The following DPP6 variants were observed in gnomAD, a reference collection of about 807,000 sequenced individuals.
The protein encoded by DPP6 is dipeptidyl peptidase like 6.
Under a neutral mutation model 122.6 loss-of-function variants are expected in DPP6, and 69 were observed. The observed-to-expected ratio is 0.56, with a 90% CI of 0.46 to 0.69. The LOEUF (loss-of-function observed/expected upper bound fraction) is 0.69. Ranked by LOEUF, DPP6 falls within the 30% of genes least tolerant of loss-of-function variation. The probability of loss-of-function intolerance (pLI) is 0.00; values close to 1 mark genes in which losing one functional copy is unlikely to be tolerated. For missense variants in DPP6, 928 were observed against 1,116.9 expected, an observed-to-expected ratio of 0.83 and a Z score of 2.41; for synonymous variants, 418 against 433.1, an observed-to-expected ratio of 0.97 and a Z score of 0.43.
intron 3 of DPP6, among the ~76,000 whole-genome samples, chr7:154,538,787 A>G (rs774036335): frequency 6.6e-6 from 1 of 152,216 alleles, no homozygotes; most frequent in African/African-American, 2.4e-5. Context: ...AGTTCTTTTA[A>G]TGTGAGATAG....
intron 1 of DPP6, among the ~76,000 whole-genome samples, chr7:154,247,579 A>G (rs894362284): frequency 6.6e-6 from 1 of 151,348 alleles, no homozygotes; most frequent in East Asian, 1.9e-4. Context: ...GAATGGTTAT[A>G]ATCAAAAAGG....
intron 2 of DPP6, among the ~76,000 whole-genome samples, chr7:154,473,633 T>G (rs1331494055): frequency 6.6e-6 from 1 of 152,242 alleles, no homozygotes; most frequent in Non-Finnish European, 1.5e-5. Flanking sequence ...TTAGAGATTA[T>G]TTATTCCTAT....
rs377217598 is a variant in DPP6, at chr7:153,923,575, T to C, written c.51+35841T>C. Reference sequence around the variant, plus strand: ...AGGAGATCGAGACCATCCTGGCTAATATGGTGAAACCTCGTCTCTACTAAA... The same window carrying C: ...AGGAGATCGAGACCATCCTGGCTAACATGGTGAAACCTCGTCTCTACTAAA... On this transcript the variant is annotated intron_variant, in intron 1 of 25. Coordinates refer to the DPP6 transcript ENST00000404039. 9.5e-3 allele frequency among the ~76,000 whole-genome samples: 1,445 copies of C among 151,818 alleles called. 11 individuals are homozygous for C. Among genetic ancestry groups the C allele is most frequent in the African/African-American group, 0.021 (863 of 41,414 alleles).
intron 7 of DPP6, among the ~76,000 whole-genome samples, chr7:154,671,639 A>ATGTGTG (rs3837063): frequency 1.3e-5 from 2 of 151,554 alleles, no homozygotes; most frequent in East Asian, 3.9e-4. Context: ...GTGCATGCAT[A>ATGTGTG]TGTGTGTGTG....
At chr7:154,700,633 T>C (rs1840464922) in intron 7 of DPP6, among the ~76,000 whole-genome samples, 1 of 152,232 alleles carries the variant, frequency 6.6e-6, no homozygotes, top group Admixed American at 6.5e-5. Context: ...AAATTCTCAA[T>C]GAGATCGTTT....
At chr7:154,213,161 A>G (rs1227546285) in intron 1 of DPP6, among the ~76,000 whole-genome samples, 3 of 152,168 alleles carry the variant, frequency 2.0e-5, no homozygotes, top group Non-Finnish European at 1.5e-5. Context: ...ACCTGGGAGC[A>G]TGATTCCAAA....
chr7:154,218,947 A>T (rs1325115799), intron 1 of DPP6, among the ~76,000 whole-genome samples: 2 of 152,212 alleles, frequency 1.3e-5, no homozygotes, highest in African/African-American at 4.8e-5. Flanking sequence ...TGAGATCAGA[A>T]ATTTGCATTT....
At chr7:153,919,636 A>G (rs1333271209) in intron 1 of DPP6, among the ~76,000 whole-genome samples, 1 of 152,222 alleles carries the variant, frequency 6.6e-6, no homozygotes, top group East Asian at 1.9e-4. Flanking sequence ...TGAACTGCAG[A>G]GGCCAGGAGT....
the DPP6 span, among the ~76,000 whole-genome samples, chr7:153,825,205 C>T: frequency 2.0e-5 from 3 of 152,130 alleles, no homozygotes; most frequent in Admixed American, 6.6e-5. Context: ...TTCCTGTGCT[C>T]GTCTGTGTCT....
rs767085434 is a variant in DPP6 at position 154,540,633 on chromosome 7, ACT to A, written c.552+12_552+13del. Reference sequence around the variant, plus strand: ...AATAGAAGGCAAAAAAATTGTAAGTACTCTCTTTAATGACCGGGATAATTTCA... The same window carrying A: ...AATAGAAGGCAAAAAAATTGTAAGTACTCTTTAATGACCGGGATAATTTCA... On this transcript the variant is annotated splice_region_variant and intron_variant, in intron 4 of 25. Transcript: ENST00000377770. 3.4e-6 allele frequency: 5 copies of A among 1,490,524 alleles called. No individual in the cohort carries two copies. The highest frequency in any genetic ancestry group is 4.6e-6 in the Non-Finnish European group (5 of 1,093,926). The allele number at this position is 1,490,524 out of a possible 1,614,324, so 92.3% of individuals were successfully genotyped here.
chr7:154,256,800 G>A (rs6946126), intron 1 of DPP6, among the ~76,000 whole-genome samples: 61,124 of 151,866 alleles, frequency 0.4, 14,464 homozygotes, highest in African/African-American at 0.67. Context: ...ATTTACTGGA[G>A]CAAGGTTTTG....
intron 15 of DPP6, 71 bp downstream of exon 15, chr7:154,805,035 C>CTTTT: frequency 6.5e-7 from 1 of 1,534,268 alleles, no homozygotes; most frequent in Non-Finnish European, 8.8e-7. Flanking sequence ...AGAATTGCAC[C>CTTTT]TTTTCAGCAG....
intron 3 of DPP6, among the ~76,000 whole-genome samples, chr7:154,484,572 T>A (rs1277139989): frequency 6.6e-6 from 1 of 152,198 alleles, no homozygotes; most frequent in Non-Finnish European, 1.5e-5. Context: ...GTCTGCTAGC[T>A]CCAGGCAGAG....
rs565195381 is a variant in DPP6, at chr7:154,269,365, A to G, written c.244-176849A>G. Among the ~76,000 whole-genome samples the G allele has an allele frequency of 3.3e-5, 5 of 152,210 alleles. No individual in the cohort carries two copies. In the South Asian group the frequency reaches 1.0e-3, roughly 32 times the overall value. On this transcript the variant is annotated intron_variant, in intron 1 of 25. Transcript: ENST00000377770. The stretch of plus-strand genomic sequence containing the variant: ...TGGTCAGCTCTTAAGAGTTCTTGCA[A>G]TAGTTGAATAAAGTGAAGCCTGTGA...
chr7:154,637,765 T>A (rs901796117), intron 5 of DPP6, 56 bp from the exon 6 acceptor site: 4 of 1,512,308 alleles, frequency 2.6e-6, no homozygotes, highest in Non-Finnish European at 3.5e-6. Context: ...TTGAAAAATA[T>A]CATCGTAACA....
chr7:154,252,326 G>A (rs919865953), intron 1 of DPP6, among the ~76,000 whole-genome samples: 1 of 152,226 alleles, frequency 6.6e-6, no homozygotes. Flanking sequence ...CTCCTGTTCA[G>A]TGGTGAACCA....
chr7:153,895,898 T>C (rs1270606104), intron 1 of DPP6, among the ~76,000 whole-genome samples: 3 of 152,190 alleles, frequency 2.0e-5, no homozygotes, highest in Non-Finnish European at 4.4e-5. Flanking sequence ...ATAACCACAC[T>C]GTAATAAAAC....
rs1189363026 is a variant in DPP6, at chr7:154,760,333, T to C, written c.884-9084T>C. On this transcript the variant is annotated intron_variant, in intron 8 of 25. Transcript: ENST00000377770. The surrounding 1 kb of genome is among the most constrained non-coding windows in gnomAD (Gnocchi z 4.5). ...TCTTCACGATTACTCATGGGCTGTG[T>C]GTGCAAATTCAGGGGGGTGGGGTGG... 6.6e-6 allele frequency among the ~76,000 whole-genome samples: 1 copy of C among 152,086 alleles called. No individual in the cohort carries two copies. Among genetic ancestry groups the C allele is most frequent in the Admixed American group, 6.6e-5 (1 of 15,260 alleles).
chr7:154,669,633 A>C (rs1354990135), intron 7 of DPP6, among the ~76,000 whole-genome samples, 192 bp downstream of exon 7: 1 of 152,138 alleles, frequency 6.6e-6, no homozygotes, highest in Non-Finnish European at 1.5e-5. Context: ...CTTTTTAGAT[A>C]GCAAATTCTC....
Sources: gnomAD v4.1 joint callset for allele counts (sites outside exome capture counted in the v4.1 genomes callset) on GRCh38, gnomAD v4.1.1 for gene constraint, Gnocchi (gnomAD v3.1) non-coding constraint, MANE v1.5 for transcripts, NCBI Gene and HGNC (gene_info 2026-07-23, HGNC 2026-07-21) for gene names.